The following MTCH2 variants were observed in gnomAD, a reference collection of about 807,000 sequenced individuals.
MTCH2 encodes mitochondrial carrier 2.
MTCH2 carries 25 observed loss-of-function variants against 50.6 expected under a neutral mutation model. The observed-to-expected ratio is 0.49, with a 90% confidence interval of 0.36 to 0.69. MTCH2 has a LOEUF of 0.69. Among genes scored for constraint, MTCH2 ranks in the 30% least tolerant of loss-of-function variants. The pLI, the probability that MTCH2 is intolerant of heterozygous loss-of-function variation, is 0.00. For synonymous variants in MTCH2, 106 were observed against 132.0 expected, an observed-to-expected ratio of 0.80 and a Z score of 1.35; for missense variants, 273 against 384.4, an observed-to-expected ratio of 0.71 and a Z score of 2.42.
intron 11 of MTCH2, among the ~76,000 whole-genome samples, chr11:47,623,368 T>A (rs1183576281): frequency 9.7e-6 from 1 of 102,690 alleles, no homozygotes; most frequent in Admixed American, 1.2e-4. Context: ...TAAGAACCAG[T>A]CTTTTTTTAA....
At chr11:47,636,657 G>A (rs1158440083) in intron 3 of MTCH2, among the ~76,000 whole-genome samples, 2 of 151,866 alleles carry the variant, frequency 1.3e-5, no homozygotes, top group Non-Finnish European at 1.5e-5. Context: ...GCTTGAACCC[G>A]GTAGGTGGAA....
chr11:47,638,462 C>T (rs202029414), intron 3 of MTCH2, among the ~76,000 whole-genome samples: 1 of 38,310 alleles, frequency 2.6e-5, no homozygotes, highest in Non-Finnish European at 5.7e-5. Context: ...AGGAGAATGA[C>T]GTGAACCCGG....
rs375501249 is a variant in MTCH2, at chr11:47,639,071, T to C, written c.88-20A>G. On this transcript the variant is annotated intron_variant, in intron 1 of 12. Transcript: ENST00000302503. ...TCCCACCTTTAAAAACAATGGAATA[T>C]ATCAATATTAAAGCAATATTTCCAG... The C allele has an allele frequency of 1.9e-6, 3 of 1,570,150 alleles. No homozygotes were observed. Among genetic ancestry groups the C allele is most frequent in the Non-Finnish European group, 2.6e-6 (3 of 1,148,698 alleles).
In MTCH2 at chr11:47,631,080, A is replaced by T. The variant is rs758232644; in HGVS notation, c.435T>A (p.Thr145=). The T allele has an allele frequency of 6.2e-7, 1 of 1,612,826 alleles. No homozygotes were observed. The highest frequency in any genetic ancestry group is 2.2e-5 in the East Asian group (1 of 44,876). ...CAATGAACTGTACCATAGATCTCAG[A>T]GTGATCACTGTGGAATATAGAGAAA... ...TLITHPFHVI[T]LRSMVQFIGR... is the part of the protein sequence containing the mutation. Residue 145 remains threonine (T), a synonymous_variant, in exon 7 of 13, where the codon ACT becomes ACA. Coordinates refer to ENST00000302503, the MANE Select transcript of MTCH2 (RefSeq NM_014342.4).
At chr11:47,640,652 G>A (rs958733387) in intron 1 of MTCH2, among the ~76,000 whole-genome samples, 6 of 152,086 alleles carry the variant, frequency 3.9e-5, no homozygotes, top group Non-Finnish European at 2.9e-5. Context: ...CTGACCTCAG[G>A]TGAACCGCCT....
intron 8 of MTCH2, chr11:47,629,465 G>A (rs2097301002): frequency 4.5e-6 from 1 of 220,344 alleles, no homozygotes; most frequent in South Asian, 6.8e-5. Flanking sequence ...AAGCAAGAAT[G>A]GTCCCAAGTA....
At chr11:47,611,459 G>A in the MTCH2 span, among the ~76,000 whole-genome samples, 1 of 152,220 alleles carries the variant, frequency 6.6e-6, no homozygotes, top group Non-Finnish European at 1.5e-5. Context: ...CCAACCTCTG[G>A]CTCTTCATGC....
At chr11:47,633,008 G>C (rs2097304613) in intron 5 of MTCH2, among the ~76,000 whole-genome samples, 1 of 151,700 alleles carries the variant, frequency 6.6e-6, no homozygotes. Flanking sequence ...CCTAGTCACT[G>C]AGTTTTAAGA....
At chr11:47,605,689 A>G in the MTCH2 span, among the ~76,000 whole-genome samples, 1 of 152,198 alleles carries the variant, frequency 6.6e-6, no homozygotes, top group Non-Finnish European at 1.5e-5. Flanking sequence ...GAAGGAGCAC[A>G]GCAGTTACAT....
chr11:47,612,796 C>T (rs1429068770), downstream of MTCH2, among the ~76,000 whole-genome samples: 1 of 151,948 alleles, frequency 6.6e-6, no homozygotes, highest in Non-Finnish European at 1.5e-5. Context: ...TGGCAACTTC[C>T]CCTCCAGGGC....
In MTCH2 at chr11:47,628,980, G is replaced by C. The variant is rs751113792; in HGVS notation, c.606C>G (p.Leu202=). 2 of 1,613,780 alleles carry C rather than the reference G, an allele frequency of 1.2e-6. No homozygotes were observed. Among genetic ancestry groups the C allele is most frequent in the East Asian group, 2.2e-5 (1 of 44,864 alleles). Residue 202 remains leucine, a synonymous_variant, in exon 9 of 13, where the codon CTC becomes CTG. Coordinates refer to ENST00000302503, the MANE Select transcript of MTCH2 (RefSeq NM_014342.4). ...SLWLCNSLAY[L]VNTYALDSGV... is the part of the protein sequence containing the mutation. Reference sequence around the variant, plus strand: ...CACTGTCCAGTGCATAGGTATTGACGAGGTAGGCCAGTGAGTTACACAGCC... The same window carrying C: ...CACTGTCCAGTGCATAGGTATTGACCAGGTAGGCCAGTGAGTTACACAGCC...
chr11:47,605,218 G>A, the MTCH2 span, among the ~76,000 whole-genome samples: 3 of 152,080 alleles, frequency 2.0e-5, no homozygotes, highest in African/African-American at 7.2e-5. Flanking sequence ...GTGAGCCACC[G>A]TGCCCGGCTG....
chr11:47,629,546 TAGTGG>T (rs2097301102), intron 8 of MTCH2, among the ~76,000 whole-genome samples: 1 of 152,024 alleles, frequency 6.6e-6, no homozygotes. Flanking sequence ...CAGCATGGAA[TAGTGG>T]GAAGAGCATT....
At chr11:47,627,862 C>T (rs560984902) in intron 9 of MTCH2, among the ~76,000 whole-genome samples, 1 of 152,180 alleles carries the variant, frequency 6.6e-6, no homozygotes, top group South Asian at 2.1e-4. Flanking sequence ...AAATGATCAA[C>T]CTGATTCAAT....
At chr11:47,640,860 G>A (rs1037384143) in intron 1 of MTCH2, among the ~76,000 whole-genome samples, 4 of 150,454 alleles carry the variant, frequency 2.7e-5, no homozygotes, top group African/African-American at 2.4e-5. Context: ...AGAAAACCCC[G>A]TCTCCCAGAG....
the MTCH2 span, among the ~76,000 whole-genome samples, chr11:47,609,229 C>T: frequency 2.0e-5 from 3 of 150,368 alleles, no homozygotes; most frequent in East Asian, 2.0e-4. Context: ...CCGAGGCGGG[C>T]GGATCACCTG....
chr11:47,609,762 G>A, the MTCH2 span, among the ~76,000 whole-genome samples: 1 of 152,090 alleles, frequency 6.6e-6, no homozygotes, highest in Admixed American at 6.5e-5. Flanking sequence ...CTGTACCCTG[G>A]TCAAAGATGG....
intron 3 of MTCH2, 58 bp from the exon 4 acceptor site, chr11:47,635,629 CAT>C: frequency 1.3e-6 from 2 of 1,510,532 alleles, no homozygotes; most frequent in Non-Finnish European, 1.8e-6. Context: ...TGAAAGAAGA[CAT>C]AAAATGAAAA....
the MTCH2 span, among the ~76,000 whole-genome samples, chr11:47,604,381 T>C: frequency 4.6e-5 from 7 of 152,176 alleles, no homozygotes; most frequent in Non-Finnish European, 8.8e-5. Flanking sequence ...TGGTGAGATG[T>C]AGAGAAACAG....
Sources: allele counts gnomAD v4.1 joint callset (sites outside exome capture counted in the v4.1 genomes callset), GRCh38; gene constraint gnomAD v4.1.1; transcripts MANE v1.5; gene names NCBI Gene and HGNC (gene_info 2026-07-23, HGNC 2026-07-21).